Variants in ANKRD13C observed in about 807,000 individuals in gnomAD.
The protein encoded by ANKRD13C is ankyrin repeat domain-containing protein 13C.
In ANKRD13C, 16 loss-of-function variants were observed where a neutral mutation model predicts 65.5. The observed-to-expected ratio is 0.24, with a 90% confidence interval of 0.17 to 0.37. The LOEUF (loss-of-function observed/expected upper bound fraction) is 0.37, where lower values mean the gene tolerates loss of function less well. ANKRD13C is among the 10% of genes least tolerant of loss of function. ANKRD13C has a pLI of 1.00. For synonymous variants in ANKRD13C, 235 were observed against 238.7 expected, an observed-to-expected ratio of 0.98 and a Z score of 0.14; for missense variants, 503 against 655.9, an observed-to-expected ratio of 0.77 and a Z score of 2.55.
At position 70,265,869 on chromosome 1, in the gene ANKRD13C, A is replaced by AGAAG. The variant is rs148005087; in HGVS notation, c.1496-3026_1496-3023dup. ...AAAAAAAAGAAAAGAAAAGAAAAGA[A>AGAAG]GAAGGAAGGAAGGAAGGAATGGAGG... On this transcript the variant is annotated intron_variant, in intron 12 of 12. Transcript: ENST00000370944. Among the ~76,000 whole-genome samples the AGAAG allele has an allele frequency of 4.8e-5, 7 of 146,960 alleles. 1 individual carries two copies. Among genetic ancestry groups the AGAAG allele is most frequent in the South Asian group, 4.3e-4 (2 of 4,642 alleles).
intron 1 of ANKRD13C, among the ~76,000 whole-genome samples, chr1:70,338,163 A>C (rs1682137749): frequency 6.6e-6 from 1 of 152,062 alleles, no homozygotes; most frequent in Non-Finnish European, 1.5e-5. Context: ...AGTAAAATTG[A>C]TTTCTCTCTC....
intron 4 of ANKRD13C, among the ~76,000 whole-genome samples, chr1:70,314,531 A>T (rs1187809637): frequency 1.3e-5 from 2 of 151,884 alleles, no homozygotes; most frequent in Admixed American, 6.6e-5. Context: ...GGCCGAAAAA[A>T]AATTTTATTT....
chr1:70,343,232 T>C (rs1225420980), intron 1 of ANKRD13C, among the ~76,000 whole-genome samples: 1 of 152,234 alleles, frequency 6.6e-6, no homozygotes. Flanking sequence ...ATATTTTAAA[T>C]GGCAAAATCA....
intron 8 of ANKRD13C, 79 bp from the exon 9 acceptor site, chr1:70,292,628 T>C (rs1679908999): frequency 1.9e-6 from 2 of 1,027,134 alleles, no homozygotes. Context: ...TCCATAAATA[T>C]GTAACATGTA....
At chr1:70,341,822 C>G (rs1365036088) in intron 1 of ANKRD13C, among the ~76,000 whole-genome samples, 1 of 151,946 alleles carries the variant, frequency 6.6e-6, no homozygotes, top group Admixed American at 6.6e-5. Context: ...TGGCATGATA[C>G]AAATTACATT....
chr1:70,352,402 T>C (rs909179882), intron 1 of ANKRD13C, among the ~76,000 whole-genome samples: 1 of 145,320 alleles, frequency 6.9e-6, no homozygotes, highest in East Asian at 2.0e-4. Flanking sequence ...TTTAAGAGTA[T>C]ACAGGATTCT....
At chr1:70,302,122 C>T (rs1442122957) in intron 6 of ANKRD13C, among the ~76,000 whole-genome samples, 2 of 152,110 alleles carry the variant, frequency 1.3e-5, no homozygotes, top group East Asian at 1.9e-4. Context: ...GCCTCACATG[C>T]TGCATGAAAA....
chr1:70,346,495 C>T (rs927326012), intron 1 of ANKRD13C, among the ~76,000 whole-genome samples: 4 of 152,002 alleles, frequency 2.6e-5, no homozygotes, highest in African/African-American at 7.3e-5. Context: ...AAAATAGTTG[C>T]GACTTTGTGC....
chr1:70,302,447 C>T (rs552507682), intron 6 of ANKRD13C, among the ~76,000 whole-genome samples: 2 of 110,748 alleles, frequency 1.8e-5, no homozygotes, highest in Non-Finnish European at 3.6e-5. Context: ...ATAGTATTGG[C>T]CGGGCGCGGT....
At chr1:70,312,623 T>C (rs1287636779) in intron 5 of ANKRD13C, among the ~76,000 whole-genome samples, 9 of 150,408 alleles carry the variant, frequency 6.0e-5, no homozygotes, top group African/African-American at 2.2e-4. Flanking sequence ...TTTGGTATAA[T>C]ATGCATACGT....
chr1:70,306,802 G>A (rs1039906892), intron 5 of ANKRD13C, among the ~76,000 whole-genome samples: 1 of 152,154 alleles, frequency 6.6e-6, no homozygotes, highest in African/African-American at 2.4e-5. Flanking sequence ...TTCAAAATCT[G>A]TAAAATGGGA....
chr1:70,267,631 G>C (rs1393828500), intron 12 of ANKRD13C, among the ~76,000 whole-genome samples: 1 of 151,902 alleles, frequency 6.6e-6, no homozygotes, highest in Non-Finnish European at 1.5e-5. Flanking sequence ...AATATGTTAG[G>C]GCTTAGGTCT....
intron 9 of ANKRD13C, among the ~76,000 whole-genome samples, chr1:70,285,486 C>T (rs1399879982): frequency 6.6e-6 from 1 of 151,990 alleles, no homozygotes; most frequent in Non-Finnish European, 1.5e-5. Flanking sequence ...TAAGCCACTG[C>T]ACCCAGCTAT....
At chr1:70,306,110 C>G (rs763289673) in intron 6 of ANKRD13C, 114 bp downstream of exon 6, 120 of 589,504 alleles carry the variant, frequency 2.0e-4, no homozygotes, top group Non-Finnish European at 3.0e-4. Flanking sequence ...AATATTGTGA[C>G]TCTGTTACAG....
rs1174892021 is a variant in ANKRD13C, at chr1:70,260,396, G to T, written c.*2321C>A. On this transcript the variant is annotated 3_prime_UTR_variant, in exon 13 of 13. Transcript: ENST00000370944. ...GGCTATTGAAGATGACTATACGATT[G>T]TCCCCCTACCAATTTAAACAGTTTC... is the stretch of plus-strand genomic sequence containing the variant. Among the ~76,000 whole-genome samples the T allele has an allele frequency of 6.6e-6, 1 of 152,090 alleles. No individual in the cohort carries two copies. The highest frequency in any genetic ancestry group is 2.4e-5 in the African/African-American group (1 of 41,428).
chr1:70,274,828 G>A lies in ANKRD13C; in HGVS notation c.1296-10C>T. ...ACCCAGATGAGGAGCTCTAAAATGG[G>A]AGGAAAAAAAATGTTAGGAAACTTT... On this transcript the variant is annotated splice_polypyrimidine_tract_variant and intron_variant, in intron 10 of 12. Transcript: ENST00000370944. 1 of 1,587,520 alleles carries A rather than the reference G, an allele frequency of 6.3e-7. No individual in the cohort carries two copies. The highest frequency in any genetic ancestry group is 1.1e-5 in the South Asian group (1 of 89,606).
intron 7 of ANKRD13C, among the ~76,000 whole-genome samples, chr1:70,300,354 G>A (rs182239351): frequency 3.9e-5 from 6 of 152,240 alleles, no homozygotes; most frequent in Non-Finnish European, 5.9e-5. Context: ...TTGGGAGGCC[G>A]AGGTGGGTGC....
intron 1 of ANKRD13C, among the ~76,000 whole-genome samples, chr1:70,342,793 CA>C (rs1301807535): frequency 6.6e-6 from 1 of 151,672 alleles, no homozygotes; most frequent in Non-Finnish European, 1.5e-5. Flanking sequence ...TGCTGCTGCC[CA>C]GGAGGGGAAC....
intron 1 of ANKRD13C, among the ~76,000 whole-genome samples, chr1:70,336,562 C>A (rs994819745): frequency 2.6e-5 from 4 of 152,048 alleles, no homozygotes; most frequent in African/African-American, 9.7e-5. Context: ...GACCGTAGAA[C>A]ATATGGCAGA....
Sources: allele counts gnomAD v4.1 joint callset (sites outside exome capture counted in the v4.1 genomes callset), GRCh38; gene constraint gnomAD v4.1.1; transcripts MANE v1.5; gene names NCBI Gene and HGNC (gene_info 2026-07-23, HGNC 2026-07-21).